The following RBMS3 variants were observed in gnomAD, a reference collection of about 807,000 sequenced individuals.
RBMS3 encodes RNA binding motif single stranded interacting protein 3.
Under a neutral mutation model 66.8 loss-of-function variants are expected in RBMS3, and 27 were observed. The ratio of observed to expected loss-of-function variants is 0.40; its 90% CI spans 0.30 to 0.56. RBMS3 has a LOEUF of 0.56. Ranked by LOEUF, RBMS3 falls within the 20% of genes least tolerant of loss-of-function variation. The pLI is 0.40. For synonymous variants in RBMS3, 188 were observed against 183.0 expected, an observed-to-expected ratio of 1.03 and a Z score of -0.22; for missense variants, 513 against 549.5, an observed-to-expected ratio of 0.93 and a Z score of 0.66.
chr3:29,440,975 G>A (rs1326869491), intron 2 of RBMS3, among the ~76,000 whole-genome samples: 1 of 152,170 alleles, frequency 6.6e-6, no homozygotes, highest in Non-Finnish European at 1.5e-5. Flanking sequence ...TAAGAAAAAT[G>A]TGACTGGAAA....
chr3:29,701,433 G>A (rs943365062), intron 4 of RBMS3, among the ~76,000 whole-genome samples: 3 of 152,176 alleles, frequency 2.0e-5, no homozygotes, highest in Non-Finnish European at 1.5e-5. Flanking sequence ...GGCAGCCCTC[G>A]CTCGCCCTCG....
chr3:29,571,235 A>G (rs1286988473), intron 3 of RBMS3, among the ~76,000 whole-genome samples: 1 of 152,032 alleles, frequency 6.6e-6, no homozygotes, highest in Non-Finnish European at 1.5e-5. Flanking sequence ...AATCTGTCAG[A>G]TGGGTAGTTT....
chr3:29,943,326 C>T (rs2061435389), intron 11 of RBMS3, among the ~76,000 whole-genome samples: 2 of 151,944 alleles, frequency 1.3e-5, no homozygotes, highest in Middle Eastern at 3.4e-3. Flanking sequence ...TTTACCCCTC[C>T]AAGGGGAGTG....
intron 14 of RBMS3, among the ~76,000 whole-genome samples, chr3:29,996,929 G>A (rs1018494875): frequency 2.6e-5 from 4 of 152,068 alleles, no homozygotes; most frequent in South Asian, 2.1e-4. Context: ...GAGCAGAACT[G>A]AGGGAAATAG....
chr3:29,497,684 A>G lies in RBMS3; in HGVS notation c.307+9185A>G, dbSNP rs139988788. 3.0e-3 allele frequency among the ~76,000 whole-genome samples: 456 copies of G among 152,156 alleles called. 2 individuals carry two copies. The highest frequency in any genetic ancestry group is 6.8e-3 in the Middle Eastern group (2 of 294). On this transcript the variant is annotated intron_variant, in intron 3 of 14. Transcript: ENST00000383767. ...GTGTGCAAAGATCTAAGGATACCCC[A>G]TCTCTCATCTCTCATGCTTTTATGA...
At chr3:29,352,409 C>A (rs1170608187) in intron 1 of RBMS3, among the ~76,000 whole-genome samples, 1 of 151,946 alleles carries the variant, frequency 6.6e-6, no homozygotes, top group East Asian at 1.9e-4. Flanking sequence ...AATTTCTTCA[C>A]TTAAGTGATA....
chr3:29,900,523 A>G (rs1430376240), intron 10 of RBMS3, among the ~76,000 whole-genome samples: 1 of 151,752 alleles, frequency 6.6e-6, no homozygotes, highest in Non-Finnish European at 1.5e-5. Flanking sequence ...TAAGTCTTCC[A>G]GGGTTTCTAG....
intron 6 of RBMS3, among the ~76,000 whole-genome samples, chr3:29,867,762 A>C (rs1401999999): frequency 6.6e-6 from 1 of 151,636 alleles, no homozygotes; most frequent in East Asian, 2.0e-4. Flanking sequence ...AGAGGCAAGG[A>C]CACAGGAATT....
At chr3:29,872,076 A>G (rs948112728) in intron 7 of RBMS3, among the ~76,000 whole-genome samples, 8 of 152,118 alleles carry the variant, frequency 5.3e-5, no homozygotes, top group African/African-American at 1.7e-4. Flanking sequence ...CTCTGAATAA[A>G]ATGATCGAGG....
chr3:29,384,950 C>T (rs1372378009), intron 1 of RBMS3, among the ~76,000 whole-genome samples: 1 of 152,122 alleles, frequency 6.6e-6, no homozygotes, highest in Non-Finnish European at 1.5e-5. Flanking sequence ...GCTTTCGGAG[C>T]AGAGATGTAT....
At chr3:29,817,697 CA>C (rs2057951779) in intron 6 of RBMS3, among the ~76,000 whole-genome samples, 1 of 151,978 alleles carries the variant, frequency 6.6e-6, no homozygotes, top group Non-Finnish European at 1.5e-5. Context: ...TTTATTAATA[CA>C]ATGTCACCTT....
intron 14 of RBMS3, among the ~76,000 whole-genome samples, chr3:30,003,380 G>C (rs924943392): frequency 6.6e-6 from 1 of 151,978 alleles, no homozygotes; most frequent in Non-Finnish European, 1.5e-5. Flanking sequence ...GAACAAGAAA[G>C]TAGAGAAGGG....
intron 3 of RBMS3, among the ~76,000 whole-genome samples, chr3:29,498,472 A>G (rs2148932106): frequency 6.6e-6 from 1 of 152,312 alleles, no homozygotes; most frequent in South Asian, 2.1e-4. Context: ...CAAATATGAT[A>G]TATGTGTGTA....
At chr3:29,884,469 T>TCTCTCTC (rs1553692501) in intron 8 of RBMS3, among the ~76,000 whole-genome samples, 44 of 66,342 alleles carry the variant, frequency 6.6e-4, no homozygotes, top group Non-Finnish European at 8.2e-4. Flanking sequence ...TCTCTCTCTC[T>TCTCTCTC]CCCCCCCCGC....
chr3:29,308,184 TGTTGAGTTTAACTTCTCATAGA>T (rs1446192094), intron 1 of RBMS3, among the ~76,000 whole-genome samples: 26 of 152,006 alleles, frequency 1.7e-4, no homozygotes, highest in African/African-American at 5.3e-4. Flanking sequence ...GACAAATAAA[TGTTGAGTTTAACTTCTCATAGA>T]GTTACAAACT....
At chr3:29,420,337 G>T (rs1054450041) in intron 1 of RBMS3, among the ~76,000 whole-genome samples, 1 of 152,076 alleles carries the variant, frequency 6.6e-6, no homozygotes, top group African/African-American at 2.4e-5. Flanking sequence ...ATTCCTAGTT[G>T]CTTCTTTACT....
intron 1 of RBMS3, among the ~76,000 whole-genome samples, chr3:29,399,325 AGGT>A (rs2039699837): frequency 6.6e-6 from 1 of 152,160 alleles, no homozygotes; most frequent in Non-Finnish European, 1.5e-5. Flanking sequence ...CTGAATTTCA[AGGT>A]GGATTTCAAA....
At chr3:29,421,344 T>C (rs2040726242) in intron 1 of RBMS3, among the ~76,000 whole-genome samples, 1 of 151,884 alleles carries the variant, frequency 6.6e-6, no homozygotes, top group Non-Finnish European at 1.5e-5. Flanking sequence ...ATTCGGGAGA[T>C]AATTAAACTG....
chr3:29,370,938 G>A (rs949174642), intron 1 of RBMS3, among the ~76,000 whole-genome samples: 1 of 152,192 alleles, frequency 6.6e-6, no homozygotes, highest in African/African-American at 2.4e-5. Context: ...TAACTCCAAT[G>A]GCTGGATCCA....
Sources: gnomAD v4.1 joint callset for allele counts (sites outside exome capture counted in the v4.1 genomes callset) on GRCh38, gnomAD v4.1.1 for gene constraint, MANE v1.5 for transcripts, NCBI Gene and HGNC (gene_info 2026-07-23, HGNC 2026-07-21) for gene names.